HOOK3: variants seen among roughly 807,000 people sequenced by gnomAD.
HOOK3 encodes the protein hook microtubule tethering protein 3, also known as protein Hook homolog 3.
HOOK3 carries 24 observed loss-of-function variants against 116.3 expected under a neutral mutation model. That is an observed-to-expected ratio of 0.21 (90% CI 0.15 to 0.29). The LOEUF is 0.29. HOOK3 is among the 10% of genes least tolerant of loss of function. HOOK3 has a pLI of 1.00. For missense variants in HOOK3, 632 were observed against 830.2 expected, an observed-to-expected ratio of 0.76 and a Z score of 2.93; for synonymous variants, 275 against 283.0, an observed-to-expected ratio of 0.97 and a Z score of 0.28.
chr8:42,982,430 C>T (rs564815948), intron 13 of HOOK3, among the ~76,000 whole-genome samples, 197 bp from the exon 14 acceptor site: 1 of 151,874 alleles, frequency 6.6e-6, no homozygotes. Context: ...ATACTGAATG[C>T]CATTCTGTTG....
At chr8:43,007,490 A>C (rs971906420) in intron 17 of HOOK3, among the ~76,000 whole-genome samples, 4 of 152,060 alleles carry the variant, frequency 2.6e-5, no homozygotes, top group African/African-American at 4.8e-5. Context: ...TTTTTTATTG[A>C]TAGGTAGTGT....
intron 2 of HOOK3, 69 bp from the exon 3 acceptor site, chr8:42,925,488 G>T: frequency 2.0e-6 from 2 of 995,452 alleles, no homozygotes; most frequent in South Asian, 3.0e-5. Flanking sequence ...TATGGGATGA[G>T]ATTCAATTTT....
chr8:42,950,537 A>G, intron 6 of HOOK3, 82 bp downstream of exon 6: 1 of 775,742 alleles, frequency 1.3e-6, no homozygotes, highest in Non-Finnish European at 2.1e-6. Flanking sequence ...GGAAAATTTT[A>G]AGAGATTCTC....
At chr8:42,968,412 C>T (rs541867276) in intron 11 of HOOK3, among the ~76,000 whole-genome samples, 198 bp downstream of exon 11, 1 of 152,208 alleles carries the variant, frequency 6.6e-6, no homozygotes, top group African/African-American at 2.4e-5. Context: ...TCACTGCAAC[C>T]TCCACCTCCC....
rs1809968356 is a variant in HOOK3, at chr8:43,028,216, T to TGGTA, written c.*9720_*9723dup. ...TTTTAAAATTGATATTAGCTGGGCATGGTAGCTCATGCCTGTAGTCCCAGC... is the reference window on the plus strand; with the variant it reads ...TTTTAAAATTGATATTAGCTGGGCATGGTAGGTAGCTCATGCCTGTAGTCCCAGC... On this transcript the variant is annotated 3_prime_UTR_variant, in exon 22 of 22. Transcript: ENST00000307602. The TGGTA allele has an allele frequency of 5.5e-6, 1 of 183,446 alleles. No individual in the cohort carries two copies. Among genetic ancestry groups the TGGTA allele is most frequent in the Non-Finnish European group, 1.2e-5 (1 of 86,450 alleles). 11.4% of individuals were successfully genotyped at this position (183,446 alleles called of 1,614,324 possible).
intron 16 of HOOK3, among the ~76,000 whole-genome samples, chr8:42,999,912 C>T (rs1809346644): frequency 2.0e-5 from 3 of 151,994 alleles, no homozygotes; most frequent in African/African-American, 4.8e-5. Flanking sequence ...TTTGGGAGGC[C>T]GAGGCGGGCA....
chr8:42,907,275 A>G (rs1807328402), intron 2 of HOOK3, among the ~76,000 whole-genome samples: 1 of 152,198 alleles, frequency 6.6e-6, no homozygotes, highest in African/African-American at 2.4e-5. Flanking sequence ...GCAATTAGCT[A>G]CATAGAGTTG....
intron 6 of HOOK3, among the ~76,000 whole-genome samples, chr8:42,956,360 C>A (rs930386586): frequency 7.3e-5 from 11 of 151,242 alleles, no homozygotes; most frequent in Non-Finnish European, 1.5e-4. Context: ...TAGTGAGAAG[C>A]CACTATTTTT....
At chr8:42,933,006 A>G (rs189197105) in intron 4 of HOOK3, among the ~76,000 whole-genome samples, 161 of 152,310 alleles carry the variant, frequency 1.1e-3, no homozygotes, top group African/African-American at 3.6e-3. Context: ...GTACTTGCCT[A>G]TATATTTAAA....
chr8:43,008,657 A>ATTTTAT (rs1554516127), intron 18 of HOOK3, among the ~76,000 whole-genome samples: 1 of 143,810 alleles, frequency 7.0e-6, no homozygotes, highest in African/African-American at 2.6e-5. Flanking sequence ...TTTTATTTTT[A>ATTTTAT]TTTTTATTTT....
intron 13 of HOOK3, among the ~76,000 whole-genome samples, chr8:42,975,704 T>A (rs1349189958): frequency 2.6e-5 from 4 of 152,188 alleles, no homozygotes; most frequent in Non-Finnish European, 5.9e-5. Context: ...AATACTTACC[T>A]TAAGATAGAT....
chr8:42,905,852 G>A (rs572101193), intron 1 of HOOK3, among the ~76,000 whole-genome samples: 3 of 151,404 alleles, frequency 2.0e-5, no homozygotes, highest in South Asian at 2.1e-4. Flanking sequence ...TCAGGAGGCC[G>A]AGGCGGGCAG....
intron 1 of HOOK3, among the ~76,000 whole-genome samples, chr8:42,902,260 T>TTCTC (rs535319525): frequency 1.3e-5 from 2 of 150,414 alleles, no homozygotes; most frequent in Non-Finnish European, 3.0e-5. Flanking sequence ...GAAATGTGTA[T>TTCTC]TCTCTCTCTC....
At chr8:42,985,721 G>T (rs1037850865) in intron 14 of HOOK3, among the ~76,000 whole-genome samples, 1 of 151,540 alleles carries the variant, frequency 6.6e-6, no homozygotes, top group African/African-American at 2.4e-5. Flanking sequence ...CTTCAGCCTG[G>T]GTGACAGAGA....
chr8:42,911,324 G>A (rs182527488), intron 2 of HOOK3, among the ~76,000 whole-genome samples: 3 of 152,160 alleles, frequency 2.0e-5, no homozygotes, highest in Non-Finnish European at 4.4e-5. Flanking sequence ...GGTGGCGCAT[G>A]CCTGTAATCC....
chr8:42,951,367 A>C (rs1388346507), intron 6 of HOOK3, among the ~76,000 whole-genome samples: 1 of 152,130 alleles, frequency 6.6e-6, no homozygotes, highest in East Asian at 1.9e-4. Flanking sequence ...CGGCCAAATA[A>C]TATCTATCTT....
intron 13 of HOOK3, among the ~76,000 whole-genome samples, chr8:42,979,150 TAGTCCC>T (rs1808885301): frequency 6.6e-6 from 1 of 152,132 alleles, no homozygotes; most frequent in South Asian, 2.1e-4. Context: ...CTCATGCCTG[TAGTCCC>T]AGCTACTTGG....
chr8:42,976,223 T>G (rs190034601), intron 13 of HOOK3, among the ~76,000 whole-genome samples: 2 of 152,094 alleles, frequency 1.3e-5, no homozygotes, highest in Admixed American at 1.3e-4. Flanking sequence ...AAGGGCAAAT[T>G]TAGGCCAGGC....
intron 20 of HOOK3, 46 bp downstream of exon 20, chr8:43,013,201 A>G: frequency 6.8e-7 from 1 of 1,466,610 alleles, no homozygotes; most frequent in Non-Finnish European, 9.4e-7. Context: ...TTTGATTTTA[A>G]TGTTTTGGGA....
Sources: allele counts gnomAD v4.1 joint callset (sites outside exome capture counted in the v4.1 genomes callset), GRCh38; gene constraint gnomAD v4.1.1; transcripts MANE v1.5; gene names NCBI Gene and HGNC (gene_info 2026-07-23, HGNC 2026-07-21).